TLL2: variants seen among roughly 807,000 people sequenced by gnomAD.
TLL2 encodes the protein tolloid-like protein 2.
Under a neutral mutation model 123.0 loss-of-function variants are expected in TLL2, and 106 were observed. That is an observed-to-expected ratio of 0.86 (90% CI 0.74 to 1.01). The LOEUF (loss-of-function observed/expected upper bound fraction) is 1.01. Among genes scored for constraint, TLL2 ranks in the 50% least tolerant of loss-of-function variants. The pLI, the probability that TLL2 is intolerant of heterozygous loss-of-function variation, is 0.00. For synonymous variants in TLL2, 494 were observed against 516.8 expected (o/e 0.96, Z 0.60); for missense variants, 1,332 against 1,336.7 (o/e 1.00, Z 0.06).
rs909552489 is a variant in TLL2 at position 96,373,995 on chromosome 10, G to A, written c.2449-186C>T. 4 of 595,988 alleles carry A rather than the reference G, an allele frequency of 6.7e-6. No homozygotes were observed. The Admixed American group carries it at 1.2e-4, about 18-fold the overall frequency. The allele number at this position is 595,988 out of a possible 1,614,324, so 36.9% of individuals were successfully genotyped here. A position where few individuals can be genotyped will look rare whatever the true frequency, so the allele number is the denominator to read the frequency against. Reference sequence around the variant, plus strand: ...TAGAGAGGGTCTCAACCTCCGCCTTGCTTTTGGTCCAGCAAGTGGCCCTAT... The same window carrying A: ...TAGAGAGGGTCTCAACCTCCGCCTTACTTTTGGTCCAGCAAGTGGCCCTAT... On this transcript the variant is annotated intron_variant, in intron 18 of 20. Transcript: ENST00000357947.
chr10:96,415,725 CTCTG>C (rs2134072546), intron 7 of TLL2, among the ~76,000 whole-genome samples: 1 of 28,240 alleles, frequency 3.5e-5, no homozygotes, highest in African/African-American at 2.0e-4. Context: ...TGCTCTCTCT[CTCTG>C]TCTCTCTCTG....
At chr10:96,476,240 A>ATATATATATATATATATTTTT in intron 2 of TLL2, among the ~76,000 whole-genome samples, 1 of 20,502 alleles carries the variant, frequency 4.9e-5, no homozygotes, top group African/African-American at 1.7e-4. Context: ...ATATATATAT[A>ATATATATATATATATATTTTT]TTTTATTTTT....
chr10:96,476,086 A>G (rs1484888683), intron 2 of TLL2, among the ~76,000 whole-genome samples: 1 of 151,652 alleles, frequency 6.6e-6, no homozygotes, highest in Non-Finnish European at 1.5e-5. Context: ...TTATCAGCAG[A>G]GTAAAAATAG....
intron 2 of TLL2, among the ~76,000 whole-genome samples, chr10:96,458,693 C>T (rs900091794): frequency 6.6e-6 from 1 of 150,998 alleles, no homozygotes; most frequent in Non-Finnish European, 1.5e-5. Context: ...ATTGCTTGAA[C>T]CCAGGAGGCA....
intron 2 of TLL2, among the ~76,000 whole-genome samples, chr10:96,467,364 T>C (rs1178952768): frequency 6.6e-6 from 1 of 152,142 alleles, no homozygotes; most frequent in Middle Eastern, 3.2e-3. Flanking sequence ...TAGCTGGGAT[T>C]ACAGATATAT....
intron 5 of TLL2, among the ~76,000 whole-genome samples, chr10:96,424,835 T>C (rs1846663590): frequency 6.6e-6 from 1 of 152,116 alleles, no homozygotes; most frequent in Non-Finnish European, 1.5e-5. Flanking sequence ...CATTTTCTTA[T>C]GTGCTGCTTA....
intron 4 of TLL2, 81 bp downstream of exon 4, chr10:96,432,725 CG>C: frequency 6.5e-7 from 1 of 1,531,584 alleles, no homozygotes; most frequent in Non-Finnish European, 8.9e-7. Context: ...CCATCCCACC[CG>C]GGTCCTTCCT....
chr10:96,374,794 C>T (rs1465456440), intron 18 of TLL2, among the ~76,000 whole-genome samples: 1 of 152,164 alleles, frequency 6.6e-6, no homozygotes, highest in Non-Finnish European at 1.5e-5. Context: ...CCAGGGGCGC[C>T]GCACCATTCC....
Position 96,386,138 on chromosome 10 carries a change from T to G in TLL2, c.1930A>C (p.Lys644Gln). The G allele has an allele frequency of 6.2e-7, 1 of 1,613,270 alleles. No individual in the cohort carries two copies. The highest frequency in any genetic ancestry group is 8.5e-7 in the Non-Finnish European group (1 of 1,179,580). Residue 644 changes from lysine to glutamine, a missense_variant, in exon 15 of 21, where the codon AAA becomes CAA. Lys to Gln is a moderately conservative substitution (Grantham distance 53). Coordinates refer to ENST00000357947, the MANE Select transcript of TLL2 (RefSeq NM_012465.4). ...GCCACCACCTGCCAGACACAGTTTT[T>G]GTTTGTGGGATACTCCTTCGGCCAC... ...PGWPKEYPTN[K>Q]NCVWQVVAPA...
At chr10:96,383,620 A>AT (rs1198541726) in intron 16 of TLL2, among the ~76,000 whole-genome samples, 4 of 151,346 alleles carry the variant, frequency 2.6e-5, no homozygotes, top group South Asian at 2.1e-4. Context: ...TTCATTTTTT[A>AT]TTTTTTATTT....
At chr10:96,392,753 A>G (rs1217358878) in intron 13 of TLL2, among the ~76,000 whole-genome samples, 1 of 152,250 alleles carries the variant, frequency 6.6e-6, no homozygotes, top group Non-Finnish European at 1.5e-5. Context: ...GGCCTCTACA[A>G]TCTGTGAATC....
intron 1 of TLL2, among the ~76,000 whole-genome samples, chr10:96,492,362 G>T (rs564217003): frequency 6.6e-6 from 1 of 152,154 alleles, no homozygotes; most frequent in Non-Finnish European, 1.5e-5. Flanking sequence ...CGTGGCTCAC[G>T]CCTCTAATCC....
chr10:96,507,024 G>A (rs1200220603), intron 1 of TLL2, among the ~76,000 whole-genome samples: 1 of 152,114 alleles, frequency 6.6e-6, no homozygotes. Flanking sequence ...TGCTCTGGGG[G>A]CTGTGCTGAG....
chr10:96,470,663 G>A (rs376149843), intron 2 of TLL2, among the ~76,000 whole-genome samples: 10 of 152,162 alleles, frequency 6.6e-5, no homozygotes, highest in African/African-American at 1.7e-4. Context: ...GAGTGTAGGA[G>A]CTAAACACAG....
intron 2 of TLL2, among the ~76,000 whole-genome samples, chr10:96,471,645 A>G (rs570869453): frequency 1.5e-4 from 23 of 152,312 alleles, no homozygotes; most frequent in African/African-American, 5.3e-4. Flanking sequence ...GGCAGGTACT[A>G]TTATTCCATC....
In TLL2 at chr10:96,513,712, G is replaced by C; in HGVS notation, c.-27C>G. 6 of 1,477,356 alleles carry C rather than the reference G, an allele frequency of 4.1e-6. No individual in the cohort carries two copies. The highest frequency in any genetic ancestry group is 5.4e-6 in the Non-Finnish European group (6 of 1,119,016). 91.5% of individuals were successfully genotyped at this position (1,477,356 alleles called of 1,614,324 possible). A position where few individuals can be genotyped will look rare whatever the true frequency, so the allele number is the denominator to read the frequency against. ...GTGGCGCGGGGCCGGCTGGGGCAGA[G>C]GGAGTTGCGTGCACGAAAGCTCAGC... On this transcript the variant is annotated 5_prime_UTR_variant, in exon 1 of 21. Coordinates refer to ENST00000357947, the MANE Select transcript of TLL2 (RefSeq NM_012465.4).
At chr10:96,430,109 C>A (rs928841613) in intron 4 of TLL2, among the ~76,000 whole-genome samples, 1 of 144,422 alleles carries the variant, frequency 6.9e-6, no homozygotes, top group African/African-American at 2.6e-5. Context: ...GATGTTTGTC[C>A]CCTTCAGATC....
At chr10:96,460,263 G>T (rs1847067815) in intron 2 of TLL2, among the ~76,000 whole-genome samples, 1 of 152,162 alleles carries the variant, frequency 6.6e-6, no homozygotes, top group Non-Finnish European at 1.5e-5. Context: ...GGGGAAATTG[G>T]CAAACACTTC....
At chr10:96,506,955 T>C (rs1847585411) in intron 1 of TLL2, among the ~76,000 whole-genome samples, 1 of 151,986 alleles carries the variant, frequency 6.6e-6, no homozygotes, top group South Asian at 2.1e-4. Context: ...AGGGAGAAAA[T>C]CTAGGCCTGA....
Sources: gnomAD v4.1 joint callset for allele counts (sites outside exome capture counted in the v4.1 genomes callset) on GRCh38, gnomAD v4.1.1 for gene constraint, MANE v1.5 for transcripts, NCBI Gene and HGNC (gene_info 2026-07-23, HGNC 2026-07-21) for gene names.